The following SDK1 variants were observed in gnomAD, a reference collection of about 807,000 sequenced individuals.
SDK1 encodes the protein protein sidekick-1.
A neutral mutation model predicts 245.5 loss-of-function variants in SDK1; 157 were observed. The ratio of observed to expected loss-of-function variants is 0.64; its 90% CI spans 0.56 to 0.73. The LOEUF (loss-of-function observed/expected upper bound fraction) is 0.73, where lower values mean the gene tolerates loss of function less well. Ranked by LOEUF, SDK1 falls within the 30% of genes least tolerant of loss-of-function variation. SDK1 has a pLI of 0.00. For missense variants in SDK1, 3,583 were observed against 3,002.3 expected (o/e 1.19, Z -4.52); for synonymous variants, 1,647 against 1,278.5 (o/e 1.29, Z -6.15).
In SDK1 at chr7:3,744,580, G is replaced by A. The variant is rs545522325; in HGVS notation, c.714-76870G>A. On this transcript the variant is annotated intron_variant, in intron 4 of 44. Coordinates refer to ENST00000404826, the MANE Select transcript of SDK1 (RefSeq NM_152744.4). ...TAATCCCAGCACTTTGGGAGGCCGAGATGGGCAGATCACAAAGTCAGGAGA... is the reference window on the plus strand; with the variant it reads ...TAATCCCAGCACTTTGGGAGGCCGAAATGGGCAGATCACAAAGTCAGGAGA... Among the ~76,000 whole-genome samples the A allele has an allele frequency of 5.9e-5, 9 of 152,292 alleles. 1 individual carries two copies. The highest frequency in any genetic ancestry group is 2.2e-4 in the African/African-American group (9 of 41,556).
At chr7:3,788,736 G>A (rs377249722) in intron 4 of SDK1, among the ~76,000 whole-genome samples, 3 of 152,182 alleles carry the variant, frequency 2.0e-5, no homozygotes, top group South Asian at 4.1e-4. Flanking sequence ...AGCAGTCCGC[G>A]GGTTGGGCAA....
At chr7:4,060,114 C>T (rs1256667538) in intron 19 of SDK1, among the ~76,000 whole-genome samples, 4 of 152,102 alleles carry the variant, frequency 2.6e-5, no homozygotes, top group Non-Finnish European at 5.9e-5. Context: ...ATCTCCTGAC[C>T]TCGTGATCCG....
intron 4 of SDK1, among the ~76,000 whole-genome samples, chr7:3,678,151 G>A (rs1013659951): frequency 5.9e-5 from 9 of 152,096 alleles, no homozygotes; most frequent in African/African-American, 1.9e-4. Context: ...GTGAGGATGT[G>A]GAAACAGTGG....
At chr7:4,053,542 G>A (rs895855979) in intron 19 of SDK1, among the ~76,000 whole-genome samples, 1 of 152,044 alleles carries the variant, frequency 6.6e-6, no homozygotes, top group African/African-American at 2.4e-5. Context: ...GCAGCTCCCT[G>A]ACTGTGCTGC....
At chr7:4,030,697 C>T (rs1787743798) in intron 17 of SDK1, among the ~76,000 whole-genome samples, 1 of 152,212 alleles carries the variant, frequency 6.6e-6, no homozygotes, top group South Asian at 2.1e-4. Context: ...AACCATGATG[C>T]TGAATGGAGC....
At chr7:3,487,593 A>C (rs1480139656) in intron 1 of SDK1, among the ~76,000 whole-genome samples, 3 of 151,722 alleles carry the variant, frequency 2.0e-5, no homozygotes, top group Admixed American at 2.0e-4. Flanking sequence ...CAAACAAACA[A>C]ACACCCAAAA....
chr7:3,392,159 C>G lies in SDK1; in HGVS notation c.298+90275C>G, dbSNP rs774801590. 4.4e-4 allele frequency among the ~76,000 whole-genome samples: 67 copies of G among 152,080 alleles called. 1 individual carries two copies. The highest frequency in any genetic ancestry group is 3.4e-3 in the Middle Eastern group (1 of 294). On this transcript the variant is annotated intron_variant, in intron 1 of 44. Transcript: ENST00000404826. Reference sequence around the variant, plus strand: ...CTAATCAGTAACTGAACGCTTAAAACCTTTGCATAACAGACATTTTCAAAC... The same window carrying G: ...CTAATCAGTAACTGAACGCTTAAAAGCTTTGCATAACAGACATTTTCAAAC...
intron 4 of SDK1, among the ~76,000 whole-genome samples, chr7:3,749,811 G>A (rs1211682121): frequency 6.6e-6 from 1 of 152,026 alleles, no homozygotes; most frequent in African/African-American, 2.4e-5. Context: ...CAAATCCCAA[G>A]GCAGAAGCTG....
At chr7:3,807,065 A>C (rs1312285390) in intron 4 of SDK1, among the ~76,000 whole-genome samples, 1 of 152,174 alleles carries the variant, frequency 6.6e-6, no homozygotes. Flanking sequence ...ATATATCCTA[A>C]TGTTAAATAA....
chr7:3,432,134 T>C (rs1779868657), intron 1 of SDK1, among the ~76,000 whole-genome samples: 1 of 147,734 alleles, frequency 6.8e-6, no homozygotes, highest in African/African-American at 2.5e-5. Flanking sequence ...AATATATATA[T>C]GTATTTTATA....
chr7:4,142,415 G>A (rs1028025491), intron 28 of SDK1, among the ~76,000 whole-genome samples: 9 of 151,932 alleles, frequency 5.9e-5, no homozygotes, highest in Non-Finnish European at 8.8e-5. Flanking sequence ...CGCAGCCTCC[G>A]CCTCCCGGGT....
intron 4 of SDK1, among the ~76,000 whole-genome samples, chr7:3,792,373 G>A (rs1781124566): frequency 1.3e-5 from 2 of 151,992 alleles, no homozygotes; most frequent in African/African-American, 4.8e-5. Context: ...CATTTCTAGT[G>A]AACATTAGAT....
Position 3,951,047 on chromosome 7 carries a change from TCTCCTGTGAGA to T in SDK1, c.959+19_959+29del. 1.9e-6 allele frequency: 3 copies of T among 1,568,312 alleles called. No homozygotes were observed. The highest frequency in any genetic ancestry group is 2.6e-6 in the Non-Finnish European group (3 of 1,138,258). On this transcript the variant is annotated intron_variant, in intron 6 of 44. Coordinates refer to ENST00000404826, the MANE Select transcript of SDK1 (RefSeq NM_152744.4). ...TAGCCAGTGCCAGGTACGAGGCGCG[TCTCCTGTGAGA>T]CTCCTAGTAAATATTCCATGACCTG...
rs544283513 is a variant in SDK1 at position 3,912,781 on chromosome 7, T to C, written c.848-38142T>C. On this transcript the variant is annotated intron_variant, in intron 5 of 44. Coordinates refer to ENST00000404826, the MANE Select transcript of SDK1 (RefSeq NM_152744.4). ...TGACAGAAGGAAGAGGAAGGAGACC[T>C]AAGGGACTTGGCAGCTGGGTGGAGA... Among the ~76,000 whole-genome samples, 540 of 152,352 alleles carry C rather than the reference T, an allele frequency of 3.5e-3. 2 individuals are homozygous for C. The highest frequency in any genetic ancestry group is 0.012 in the African/African-American group (508 of 41,584).
chr7:3,358,433 T>G (rs1005428198), intron 1 of SDK1, among the ~76,000 whole-genome samples: 1 of 151,906 alleles, frequency 6.6e-6, no homozygotes, highest in African/African-American at 2.4e-5. Context: ...TACAACGTTT[T>G]TTTTTTTTTT....
At chr7:3,999,677 A>G (rs1784930465) in intron 14 of SDK1, among the ~76,000 whole-genome samples, 1 of 152,264 alleles carries the variant, frequency 6.6e-6, no homozygotes, top group Non-Finnish European at 1.5e-5. Context: ...AGGATCTTTG[A>G]GCAGGAGAAG....
At chr7:3,936,405 C>T (rs2128119393) in intron 5 of SDK1, among the ~76,000 whole-genome samples, 1 of 152,052 alleles carries the variant, frequency 6.6e-6, no homozygotes, top group Non-Finnish European at 1.5e-5. Flanking sequence ...CACGGTGAAA[C>T]CCCATCTGTA....
chr7:3,530,889 T>C (rs1439396236), intron 1 of SDK1, among the ~76,000 whole-genome samples: 1 of 152,234 alleles, frequency 6.6e-6, no homozygotes, highest in Non-Finnish European at 1.5e-5. Flanking sequence ...TGTCCACAAG[T>C]ATCCATAGGT....
chr7:3,427,709 T>G (rs192028048), intron 1 of SDK1, among the ~76,000 whole-genome samples: 4 of 152,260 alleles, frequency 2.6e-5, no homozygotes, highest in Admixed American at 2.6e-4. Context: ...CCTTTGTGCT[T>G]TCAGTGAGTT....
Sources: allele counts gnomAD v4.1 joint callset (sites outside exome capture counted in the v4.1 genomes callset), GRCh38; gene constraint gnomAD v4.1.1; transcripts MANE v1.5; gene names NCBI Gene and HGNC (gene_info 2026-07-23, HGNC 2026-07-21).